RYR2: variants seen among roughly 807,000 people sequenced by gnomAD.
RYR2 encodes the protein ryanodine receptor 2.
RYR2 carries 227 observed loss-of-function variants against 601.1 expected under a neutral mutation model. The observed-to-expected ratio is 0.38, with a 90% CI of 0.34 to 0.42. The LOEUF (loss-of-function observed/expected upper bound fraction) is 0.42. Among genes scored for constraint, RYR2 ranks in the 10% least tolerant of loss-of-function variants. The pLI is 1.00. For missense variants in RYR2, 4,646 were observed against 6,156.5 expected (o/e 0.75, Z 8.21); for synonymous variants, 2,223 against 2,175.1 (o/e 1.02, Z -0.61).
At chr1:237,720,738 G>A (rs965046228) in intron 73 of RYR2, among the ~76,000 whole-genome samples, 5 of 152,180 alleles carry the variant, frequency 3.3e-5, no homozygotes, top group African/African-American at 9.6e-5. Context: ...CAATTACTGA[G>A]TTAGAGACAG....
intron 1 of RYR2, among the ~76,000 whole-genome samples, chr1:237,148,533 T>TATATATATATATATATACACAC (rs1558320050): frequency 7.7e-5 from 9 of 116,740 alleles, no homozygotes; most frequent in African/African-American, 3.6e-4. Context: ...AAAAAATATA[T>TATATATATATATATATACACAC]ATATATATAT....
intron 1 of RYR2, among the ~76,000 whole-genome samples, chr1:237,171,244 A>AT (rs1270252521): frequency 1.3e-5 from 2 of 152,046 alleles, no homozygotes; most frequent in Non-Finnish European, 2.9e-5. Context: ...AAAAAAAAAA[A>AT]AAATAGATTC....
At position 237,387,447 on chromosome 1, in the gene RYR2, T is replaced by A. The variant is rs117716008; in HGVS notation, c.676+67T>A. ...AAGTTGACAGTCATCTTTGGAATTG[T>A]GATAATGAGCTGATTGTTAATTAGA... is the stretch of plus-strand genomic sequence containing the variant. On this transcript the variant is annotated intron_variant, in intron 9 of 104. Transcript: ENST00000366574. 1.5e-3 allele frequency: 2,106 copies of A among 1,386,024 alleles called. 37 individuals are homozygous for A. The East Asian group carries it at 0.03, about 20-fold the overall frequency. 85.9% of individuals were successfully genotyped at this position (1,386,024 alleles called of 1,614,324 possible).
intron 1 of RYR2, among the ~76,000 whole-genome samples, chr1:237,123,045 C>T (rs1047728414): frequency 1.3e-5 from 2 of 152,190 alleles, no homozygotes; most frequent in African/African-American, 4.8e-5. Flanking sequence ...CTGCTAAACA[C>T]TGTCTTGCAA....
chr1:237,434,561 A>T (rs1707154365), intron 12 of RYR2, among the ~76,000 whole-genome samples: 1 of 152,202 alleles, frequency 6.6e-6, no homozygotes, highest in South Asian at 2.1e-4. Context: ...ATCATAAGGC[A>T]GGTCTTGCCA....
At chr1:237,168,317 G>T (rs569228739) in intron 1 of RYR2, among the ~76,000 whole-genome samples, 2 of 151,886 alleles carry the variant, frequency 1.3e-5, no homozygotes, top group African/African-American at 4.8e-5. Context: ...GGGGGTGCTG[G>T]GTTGGGGGAG....
intron 73 of RYR2, among the ~76,000 whole-genome samples, chr1:237,722,591 G>A (rs1346802816): frequency 8.6e-5 from 13 of 151,752 alleles, no homozygotes; most frequent in Non-Finnish European, 1.8e-4. Context: ...CCGCCACCAC[G>A]CCTGGCTAAT....
chr1:237,122,561 A>G (rs1670917597), intron 1 of RYR2, among the ~76,000 whole-genome samples: 1 of 152,180 alleles, frequency 6.6e-6, no homozygotes, highest in Admixed American at 6.5e-5. Flanking sequence ...CTACGCCTGT[A>G]ATCCCAGCTA....
chr1:237,556,753 A>C (rs1180146949), intron 27 of RYR2, among the ~76,000 whole-genome samples: 1 of 152,032 alleles, frequency 6.6e-6, no homozygotes, highest in Non-Finnish European at 1.5e-5. Context: ...CCATACAATG[A>C]AAGTGTTAAG....
intron 27 of RYR2, among the ~76,000 whole-genome samples, chr1:237,562,473 T>C (rs557596762): frequency 1.9e-4 from 29 of 152,294 alleles, no homozygotes; most frequent in Non-Finnish European, 3.1e-4. Context: ...ATGGTTACTT[T>C]AGGCCTTTTT....
At chr1:237,495,046 C>T (rs1663911427) in intron 19 of RYR2, among the ~76,000 whole-genome samples, 1 of 152,146 alleles carries the variant, frequency 6.6e-6, no homozygotes, top group African/African-American at 2.4e-5. Context: ...GCCTTAGCCT[C>T]CCAAAGTGCT....
At chr1:237,641,235 A>T (rs1224566831) in intron 47 of RYR2, among the ~76,000 whole-genome samples, 1 of 152,238 alleles carries the variant, frequency 6.6e-6, no homozygotes, top group East Asian at 1.9e-4. Context: ...TAAGTTACTC[A>T]TATATCTCTG....
At chr1:237,174,476 T>C (rs1398816711) in intron 1 of RYR2, among the ~76,000 whole-genome samples, 1 of 152,184 alleles carries the variant, frequency 6.6e-6, no homozygotes, top group Non-Finnish European at 1.5e-5. Flanking sequence ...CTGCTCTCTA[T>C]TGATGTTGGC....
At chr1:237,777,245 T>C (rs1694738434) in intron 87 of RYR2, among the ~76,000 whole-genome samples, 1 of 152,160 alleles carries the variant, frequency 6.6e-6, no homozygotes, top group African/African-American at 2.4e-5. Context: ...TATCTATTTT[T>C]AGTCACCCCT....
At chr1:237,476,722 A>ATAATCTTG (rs1661452091) in intron 17 of RYR2, among the ~76,000 whole-genome samples, 1 of 152,140 alleles carries the variant, frequency 6.6e-6, no homozygotes, top group Non-Finnish European at 1.5e-5. Context: ...AAATTGTGCC[A>ATAATCTTG]TAATCTTGTG....
chr1:237,521,098 T>C (rs1667036622), intron 24 of RYR2, among the ~76,000 whole-genome samples: 1 of 152,140 alleles, frequency 6.6e-6, no homozygotes, highest in Non-Finnish European at 1.5e-5. Context: ...CAGGATCAGA[T>C]GGATTTACAG....
chr1:237,445,265 A>T, intron 13 of RYR2, 136 bp from the exon 14 acceptor site: 1 of 993,766 alleles, frequency 1.0e-6, no homozygotes. Context: ...TCTGAACGTA[A>T]CAGCTTCACA....
intron 19 of RYR2, among the ~76,000 whole-genome samples, chr1:237,494,432 G>A (rs971284997): frequency 1.3e-5 from 2 of 152,164 alleles, no homozygotes; most frequent in Non-Finnish European, 2.9e-5. Flanking sequence ...GCGTCCCTCT[G>A]TCTGCTTTTA....
intron 1 of RYR2, among the ~76,000 whole-genome samples, chr1:237,177,492 T>C (rs1441644982): frequency 6.6e-6 from 1 of 152,214 alleles, no homozygotes; most frequent in African/African-American, 2.4e-5. Context: ...TTTTAAAAAC[T>C]GCATACGAGC....
Sources: allele counts gnomAD v4.1 joint callset (sites outside exome capture counted in the v4.1 genomes callset), GRCh38; gene constraint gnomAD v4.1.1; transcripts MANE v1.5; gene names NCBI Gene and HGNC (gene_info 2026-07-23, HGNC 2026-07-21).